Variants in RAD51B observed in about 807,000 individuals in gnomAD.
RAD51B encodes the protein DNA repair protein RAD51 homolog 2.
A neutral mutation model predicts 42.2 loss-of-function variants in RAD51B; 38 were observed. That is an observed-to-expected ratio of 0.90 (90% CI 0.70 to 1.18). RAD51B has a LOEUF of 1.18. Ranked by LOEUF, RAD51B falls within the 50% of genes most tolerant of loss-of-function variation. RAD51B has a pLI of 0.00. For missense variants in RAD51B, 373 were observed against 400.7 expected, an observed-to-expected ratio of 0.93 and a Z score of 0.59; for synonymous variants, 154 against 145.2, an observed-to-expected ratio of 1.06 and a Z score of -0.43.
At chr14:68,099,009 A>T (rs1337854105) in intron 7 of RAD51B, among the ~76,000 whole-genome samples, 1 of 152,202 alleles carries the variant, frequency 6.6e-6, no homozygotes, top group Admixed American at 6.5e-5. Context: ...GTTAAACATC[A>T]GCATTGTTTA....
chr14:68,558,766 T>A (rs571160446), intron 10 of RAD51B, among the ~76,000 whole-genome samples: 1 of 152,318 alleles, frequency 6.6e-6, no homozygotes, highest in Non-Finnish European at 1.5e-5. Flanking sequence ...ACCTACATCA[T>A]AATTACATCT....
At chr14:68,674,049 T>C (rs1162283108) in intron 11 of RAD51B, among the ~76,000 whole-genome samples, 1 of 151,938 alleles carries the variant, frequency 6.6e-6, no homozygotes, top group South Asian at 2.1e-4. Flanking sequence ...CATATATACA[T>C]CCACACACAT....
intron 5 of RAD51B, among the ~76,000 whole-genome samples, chr14:67,866,022 C>T (rs2042327244): frequency 6.6e-6 from 1 of 152,160 alleles, no homozygotes; most frequent in Non-Finnish European, 1.5e-5. Flanking sequence ...GGCTTCAGAT[C>T]CAGCCACCAA....
intron 5 of RAD51B, among the ~76,000 whole-genome samples, chr14:67,873,634 C>G (rs988415911): frequency 2.0e-4 from 30 of 151,628 alleles, no homozygotes; most frequent in African/African-American, 7.3e-4. Flanking sequence ...AAGACACATG[C>G]ACACGTATGT....
chr14:68,162,062 A>T (rs2078650940), intron 7 of RAD51B, among the ~76,000 whole-genome samples: 1 of 152,212 alleles, frequency 6.6e-6, no homozygotes, highest in Non-Finnish European at 1.5e-5. Flanking sequence ...AAGGTTAAGA[A>T]ACCCTGCTTT....
At chr14:68,247,656 A>G (rs762989036) in intron 7 of RAD51B, among the ~76,000 whole-genome samples, 1 of 152,210 alleles carries the variant, frequency 6.6e-6, no homozygotes, top group Non-Finnish European at 1.5e-5. Flanking sequence ...TTAAGGAGAA[A>G]CACTTGGAAT....
In RAD51B at chr14:68,339,037, C is replaced by T. The variant is rs539229209; in HGVS notation, c.853+47057C>T. The T allele has an allele frequency of 4.5e-5, 30 of 662,768 alleles. No individual in the cohort carries two copies. In the East Asian group the frequency reaches 4.8e-4, roughly 11 times the overall value. 41.1% of individuals were successfully genotyped at this position (662,768 alleles called of 1,614,324 possible). A position where few individuals can be genotyped will look rare whatever the true frequency, so the allele number is the denominator to read the frequency against. ...GCAGGCAGGCAGAAGACAGCCAGCTCGATGGGATCGACATCGTGTGCAGTC... is the reference window on the plus strand; with the variant it reads ...GCAGGCAGGCAGAAGACAGCCAGCTTGATGGGATCGACATCGTGTGCAGTC... On this transcript the variant is annotated intron_variant, in intron 8 of 10. Coordinates refer to ENST00000471583, the MANE Select transcript of RAD51B (RefSeq NM_133510.4).
chr14:68,115,712 G>A (rs2077535607), intron 7 of RAD51B, among the ~76,000 whole-genome samples: 1 of 152,068 alleles, frequency 6.6e-6, no homozygotes, highest in African/African-American at 2.4e-5. Context: ...TTAACTCAAA[G>A]TGCGGGAATC....
At chr14:67,850,228 C>T (rs2041759675) in intron 4 of RAD51B, among the ~76,000 whole-genome samples, 1 of 152,184 alleles carries the variant, frequency 6.6e-6, no homozygotes, top group African/African-American at 2.4e-5. Context: ...AAGCAATCCT[C>T]CTGCTTTGGC....
intron 7 of RAD51B, among the ~76,000 whole-genome samples, chr14:68,237,044 CT>C (rs1303397636): frequency 6.6e-6 from 1 of 152,156 alleles, no homozygotes; most frequent in Non-Finnish European, 1.5e-5. Context: ...CTTTATTCAC[CT>C]GCTATTTCAA....
In RAD51B at chr14:67,954,974, A is replaced by G. The variant is rs530219549; in HGVS notation, c.756+67770A>G. ...GAGTAAGAGGACAGGAGATGGGTGG[A>G]GGTATAGGGAGAGGACAGATGCTGA... On this transcript the variant is annotated intron_variant, in intron 7 of 10. Coordinates refer to ENST00000471583, the MANE Select transcript of RAD51B (RefSeq NM_133510.4). Among the ~76,000 whole-genome samples, 123 of 152,134 alleles carry G rather than the reference A, an allele frequency of 8.1e-4. 1 individual carries two copies. Among genetic ancestry groups the G allele is most frequent in the African/African-American group, 2.9e-3 (121 of 41,516 alleles).
chr14:68,650,647 G>A (rs1387970500), intron 10 of RAD51B: 3 of 610,680 alleles, frequency 4.9e-6, no homozygotes, highest in Non-Finnish European at 8.8e-6. Context: ...TGTGTTTAAA[G>A]TAGCATCTAA....
At chr14:68,130,115 C>T (rs978863582) in intron 7 of RAD51B, 1 of 152,212 alleles carries the variant, frequency 6.6e-6, no homozygotes, top group Non-Finnish European at 1.5e-5. Flanking sequence ...TGGCAGATTT[C>T]ATTCCTCTGC....
intron 8 of RAD51B, among the ~76,000 whole-genome samples, chr14:68,373,282 T>C (rs1192935619): frequency 2.6e-5 from 4 of 152,180 alleles, no homozygotes; most frequent in Admixed American, 2.0e-4. Flanking sequence ...TCATTGCCAT[T>C]TTACAGATGA....
chr14:68,261,971 C>G (rs985528170), intron 7 of RAD51B, among the ~76,000 whole-genome samples: 1 of 151,280 alleles, frequency 6.6e-6, no homozygotes, highest in East Asian at 1.9e-4. Flanking sequence ...CTGGGTGAGA[C>G]TGTTTGTACT....
intron 7 of RAD51B, among the ~76,000 whole-genome samples, chr14:68,134,218 T>G (rs1489111982): frequency 6.6e-6 from 1 of 152,240 alleles, no homozygotes; most frequent in Non-Finnish European, 1.5e-5. Flanking sequence ...ATGTAGCCTT[T>G]TGTAATTGGC....
At chr14:68,103,142 G>A (rs1013816893) in intron 7 of RAD51B, among the ~76,000 whole-genome samples, 2 of 152,122 alleles carry the variant, frequency 1.3e-5, no homozygotes, top group Non-Finnish European at 2.9e-5. Flanking sequence ...AAAGATTTGG[G>A]TGGGCACACA....
chr14:68,248,655 G>C (rs185751460), intron 7 of RAD51B, among the ~76,000 whole-genome samples: 2 of 152,258 alleles, frequency 1.3e-5, no homozygotes, highest in East Asian at 3.9e-4. Context: ...TGAATAGTGA[G>C]GCATAAAACC....
At chr14:68,296,516 G>A (rs1256477094) in intron 8 of RAD51B, among the ~76,000 whole-genome samples, 1 of 152,152 alleles carries the variant, frequency 6.6e-6, no homozygotes, top group Admixed American at 6.5e-5. Context: ...CTTTCCCCCA[G>A]AGTGATTAAT....
Sources: allele counts gnomAD v4.1 joint callset (sites outside exome capture counted in the v4.1 genomes callset), GRCh38; gene constraint gnomAD v4.1.1; transcripts MANE v1.5; gene names NCBI Gene and HGNC (gene_info 2026-07-23, HGNC 2026-07-21).